Variants in RPS6KA3 observed in about 807,000 individuals in gnomAD.
The protein encoded by RPS6KA3 is ribosomal protein S6 kinase A3.
RPS6KA3 carries 4 observed loss-of-function variants against 67.2 expected under a neutral mutation model. The observed-to-expected ratio is 0.06, with a 90% confidence interval of 0.03 to 0.14. RPS6KA3 has a LOEUF of 0.14. RPS6KA3 is among the 10% of genes least tolerant of loss of function. The pLI, the probability that RPS6KA3 is intolerant of heterozygous loss-of-function variation, is 1.00. For synonymous variants in RPS6KA3, 182 were observed against 183.7 expected (o/e 0.99, Z 0.07); for missense variants, 204 against 559.0 (o/e 0.36, Z 6.40).
chrX:20,244,081 G>A (rs2069622227), intron 1 of RPS6KA3, among the ~76,000 whole-genome samples: 1 of 111,628 alleles, frequency 9.0e-6, no homozygotes, highest in South Asian at 3.7e-4. Context: ...AATAAATAAG[G>A]ACAAAGCATT....
chrX:20,158,927 C>T (rs1439811909), intron 20 of RPS6KA3, among the ~76,000 whole-genome samples: 2 of 111,671 alleles, frequency 1.8e-5, no homozygotes, highest in African/African-American at 3.3e-5. Flanking sequence ...TCTTTTAAGA[C>T]CTATAACCAT....
chrX:20,247,744 G>A (rs1372913978), intron 1 of RPS6KA3, among the ~76,000 whole-genome samples: 15 of 103,873 alleles, frequency 1.4e-4, no homozygotes, highest in Non-Finnish European at 2.7e-4. Flanking sequence ...CCGAGATTGC[G>A]CCACTGCACT....
At chrX:20,253,834 A>G (rs1180416008) in intron 1 of RPS6KA3, among the ~76,000 whole-genome samples, 1 of 110,563 alleles carries the variant, frequency 9.0e-6, no homozygotes, top group Non-Finnish European at 1.9e-5. Flanking sequence ...TCTAGACTTT[A>G]ATGTTCCAAA....
At chrX:20,172,654 C>A in intron 15 of RPS6KA3, 92 bp downstream of exon 15, 1 of 814,879 alleles carries the variant, frequency 1.2e-6, no homozygotes, top group Non-Finnish European at 1.8e-6. Context: ...ACAAAAGGCA[C>A]TTTTAACAAC....
At chrX:20,203,824 C>T (rs2068507744) in intron 4 of RPS6KA3, 198 bp downstream of exon 4, 2 of 397,907 alleles carry the variant, frequency 5.0e-6, no homozygotes, top group Non-Finnish European at 8.8e-6. Context: ...TCTTTTATAA[C>T]GTGGCAACTC....
intron 4 of RPS6KA3, among the ~76,000 whole-genome samples, chrX:20,196,136 C>A (rs2068267344): frequency 8.9e-6 from 1 of 111,769 alleles, no homozygotes; most frequent in Admixed American, 9.5e-5. Flanking sequence ...AAGGATAGGC[C>A]CTAGAAAACA....
chrX:20,249,956 A>G (rs958800854), intron 1 of RPS6KA3, among the ~76,000 whole-genome samples: 2 of 112,046 alleles, frequency 1.8e-5, no homozygotes, highest in African/African-American at 6.5e-5. Flanking sequence ...GTTGAGACTT[A>G]TTGTTTTACC....
chrX:20,180,207 A>C (rs2067808674), intron 10 of RPS6KA3, among the ~76,000 whole-genome samples: 1 of 110,771 alleles, frequency 9.0e-6, no homozygotes, highest in African/African-American at 3.3e-5. Flanking sequence ...AGTTAAAAGC[A>C]TGCCAGGGAA....
In RPS6KA3 at chrX:20,195,149, T is replaced by C. The variant is rs746780683; in HGVS notation, c.326-4A>G. ...TTTGTCCGAACTCGGTCTCGAACTA[T>C]AAAAGATTGTATGTATGCTACATTG... On this transcript the variant is annotated splice_region_variant and splice_polypyrimidine_tract_variant and intron_variant, in intron 4 of 21. Transcript: ENST00000379565. 2.7e-6 allele frequency: 3 copies of C among 1,110,636 alleles called. No homozygotes were observed. Among genetic ancestry groups the C allele is most frequent in the African/African-American group, 3.6e-5 (2 of 55,916 alleles). 91.5% of individuals were successfully genotyped at this position (1,110,636 alleles called of 1,213,427 possible). A position where few individuals can be genotyped will look rare whatever the true frequency, so the allele number is the denominator to read the frequency against.
chrX:20,246,853 C>T (rs1253127518), intron 1 of RPS6KA3, among the ~76,000 whole-genome samples: 1 of 111,720 alleles, frequency 9.0e-6, no homozygotes, highest in Non-Finnish European at 1.9e-5. Context: ...TAAATCAGAA[C>T]CTGTTTAACA....
chrX:20,232,709 T>C (rs1209103615), intron 2 of RPS6KA3, among the ~76,000 whole-genome samples: 1 of 112,097 alleles, frequency 8.9e-6, no homozygotes, highest in African/African-American at 3.2e-5. Context: ...ATCCAGAATA[T>C]ATACAGAGAT....
chrX:20,186,560 G>GTT (rs369090914), intron 9 of RPS6KA3, among the ~76,000 whole-genome samples, 194 bp from the exon 10 acceptor site: 4 of 101,381 alleles, frequency 3.9e-5, no homozygotes, highest in Non-Finnish European at 6.1e-5. Context: ...GAGCTATACA[G>GTT]TTTTTTTTTT....
rs767766313 is a variant in RPS6KA3, at chrX:20,210,980, G to A, written c.127-1576C>T. On this transcript the variant is annotated intron_variant, in intron 2 of 21. Transcript: ENST00000379565. ...AGCCATTAGTACAACAGGAAAGGCAGGAAGCAAATTACCAAATTTAAAAAA... is the reference window on the plus strand; with the variant it reads ...AGCCATTAGTACAACAGGAAAGGCAAGAAGCAAATTACCAAATTTAAAAAA... Among the ~76,000 whole-genome samples, 239 of 104,991 alleles carry A rather than the reference G, an allele frequency of 2.3e-3. 1 individual carries two copies. The highest frequency in any genetic ancestry group is 4.2e-3 in the Non-Finnish European group (216 of 51,308). The allele number at this position is 104,991 out of a possible 115,157, so 91.2% of individuals were successfully genotyped here. A position where few individuals can be genotyped will look rare whatever the true frequency, so the allele number is the denominator to read the frequency against.
At chrX:20,178,128 T>G (rs763451747) in intron 10 of RPS6KA3, among the ~76,000 whole-genome samples, 2 of 111,812 alleles carry the variant, frequency 1.8e-5, no homozygotes, top group African/African-American at 6.5e-5. Flanking sequence ...AGAGAGCCCA[T>G]GAAACTCATG....
At chrX:20,234,599 G>C (rs1163879041) in intron 2 of RPS6KA3, among the ~76,000 whole-genome samples, 159 bp downstream of exon 2, 1 of 111,784 alleles carries the variant, frequency 8.9e-6, no homozygotes, top group Non-Finnish European at 1.9e-5. Flanking sequence ...TTTTAGAAAG[G>C]TCCCTGGCAT....
chrX:20,214,995 C>T (rs1305502950), intron 2 of RPS6KA3, among the ~76,000 whole-genome samples: 1 of 109,801 alleles, frequency 9.1e-6, no homozygotes, highest in African/African-American at 3.3e-5. Flanking sequence ...TGTGCCACAA[C>T]ACCTGGCTAA....
chrX:20,209,538 T>C, intron 2 of RPS6KA3, 134 bp from the exon 3 acceptor site: 1 of 461,077 alleles, frequency 2.2e-6, no homozygotes, highest in African/African-American at 2.4e-5. Flanking sequence ...ATATTAGAAA[T>C]CCCAAATTAA....
intron 10 of RPS6KA3, 73 bp downstream of exon 10, chrX:20,186,223 T>G: frequency 1.4e-6 from 1 of 734,525 alleles, no homozygotes; most frequent in Non-Finnish European, 2.1e-6. Flanking sequence ...ATTACAGGCA[T>G]GAGCCACAGC....
At chrX:20,215,204 C>T (rs1394845368) in intron 2 of RPS6KA3, among the ~76,000 whole-genome samples, 1 of 94,781 alleles carries the variant, frequency 1.1e-5, no homozygotes, top group Non-Finnish European at 2.0e-5. Flanking sequence ...TCAAGTGTTC[C>T]TTTTCTTAGT....
Sources: allele counts gnomAD v4.1 joint callset (sites outside exome capture counted in the v4.1 genomes callset), GRCh38; gene constraint gnomAD v4.1.1; transcripts MANE v1.5; gene names NCBI Gene and HGNC (gene_info 2026-07-23, HGNC 2026-07-21).